The following TRAPPC6B variants were observed in gnomAD, a reference collection of about 807,000 sequenced individuals.
TRAPPC6B encodes trafficking protein particle complex subunit 6B.
Under a neutral mutation model 24.7 loss-of-function variants are expected in TRAPPC6B, and 27 were observed. The ratio of observed to expected loss-of-function variants is 1.09; its 90% confidence interval spans 0.81 to 1.51. TRAPPC6B has a LOEUF of 1.51. TRAPPC6B is among the 40% of genes most tolerant of loss of function. The pLI is 0.00. For synonymous variants in TRAPPC6B, 80 were observed against 66.6 expected (o/e 1.20, Z -0.98); for missense variants, 212 against 190.8 (o/e 1.11, Z -0.66).
chr14:39,155,828 C>T (rs532259096), intron 3 of TRAPPC6B, among the ~76,000 whole-genome samples: 6 of 152,238 alleles, frequency 3.9e-5, no homozygotes, highest in African/African-American at 4.8e-5. Flanking sequence ...TGAGCCACCG[C>T]GCCCAGCTTT....
chr14:39,161,053 A>T (rs1198460117), intron 1 of TRAPPC6B, among the ~76,000 whole-genome samples: 1 of 152,238 alleles, frequency 6.6e-6, no homozygotes, highest in East Asian at 1.9e-4. Context: ...AATGTAAAAG[A>T]ATTAATTTTT....
intron 1 of TRAPPC6B, among the ~76,000 whole-genome samples, chr14:39,162,374 C>T (rs1450606103): frequency 2.0e-5 from 3 of 151,470 alleles, no homozygotes; most frequent in Admixed American, 2.0e-4. Flanking sequence ...CCAGGCTGGT[C>T]TCAAAGTCCT....
chr14:39,163,584 T>G (rs1375534766), intron 1 of TRAPPC6B, among the ~76,000 whole-genome samples: 2 of 150,844 alleles, frequency 1.3e-5, no homozygotes, highest in Admixed American at 6.6e-5. Flanking sequence ...TAATATACCA[T>G]ACATTTTACT....
Position 39,150,317 on chromosome 14 carries a change from T to G in TRAPPC6B, c.*33A>C, listed in dbSNP as rs372801793. The G allele has an allele frequency of 5.8e-6, 9 of 1,558,348 alleles. No individual in the cohort carries two copies. Among genetic ancestry groups the G allele is most frequent in the Non-Finnish European group, 6.1e-6 (7 of 1,152,270 alleles). On this transcript the variant is annotated 3_prime_UTR_variant, in exon 6 of 6. Coordinates refer to ENST00000330149, the MANE Select transcript of TRAPPC6B (RefSeq NM_001079537.2). The stretch of plus-strand genomic sequence containing the variant: ...ACTTTTACATGAATAATTTATCTCT[T>G]TACACTGTTGAAGCCTTGCATTTCA...
intron 1 of TRAPPC6B, among the ~76,000 whole-genome samples, chr14:39,166,058 T>C (rs1463144533): frequency 6.6e-6 from 1 of 151,938 alleles, no homozygotes; most frequent in Non-Finnish European, 1.5e-5. Flanking sequence ...TGCCTTGGCC[T>C]CCCAAAGTGC....
At chr14:39,164,341 C>T (rs909076828) in intron 1 of TRAPPC6B, among the ~76,000 whole-genome samples, 7 of 152,090 alleles carry the variant, frequency 4.6e-5, no homozygotes, top group Non-Finnish European at 8.8e-5. Flanking sequence ...AAACATAAAA[C>T]ATTAGCTGGG....
At position 39,151,735 on chromosome 14, in the gene TRAPPC6B, A is replaced by G. The variant is rs761271267; in HGVS notation, c.445+11T>C. ...ACTAAAACATTTGTAAGAAAGGCGA[A>G]TTCAACTTACAAGCAGGCATTGAAG... On this transcript the variant is annotated intron_variant, in intron 5 of 5. Coordinates refer to ENST00000330149, the MANE Select transcript of TRAPPC6B (RefSeq NM_001079537.2). The G allele has an allele frequency of 6.4e-7, 1 of 1,561,532 alleles. No homozygotes were observed. Among genetic ancestry groups the G allele is most frequent in the Non-Finnish European group, 8.6e-7 (1 of 1,158,170 alleles).
intron 1 of TRAPPC6B, among the ~76,000 whole-genome samples, chr14:39,165,048 T>C (rs1392711008): frequency 9.4e-6 from 1 of 106,346 alleles, no homozygotes; most frequent in Non-Finnish European, 1.9e-5. Flanking sequence ...CTTCACATTC[T>C]TTTTTTTTTT....
intron 1 of TRAPPC6B, among the ~76,000 whole-genome samples, chr14:39,169,132 A>G (rs2139392719): frequency 6.6e-6 from 1 of 152,324 alleles, no homozygotes; most frequent in South Asian, 2.1e-4. Context: ...AATAGCATTA[A>G]AGAAAGGGCT....
At chr14:39,156,342 G>A (rs972770966) in intron 3 of TRAPPC6B, among the ~76,000 whole-genome samples, 2 of 151,992 alleles carry the variant, frequency 1.3e-5, no homozygotes, top group African/African-American at 2.4e-5. Flanking sequence ...ATAAATAAAT[G>A]AATTATCCTA....
At chr14:39,167,805 C>A (rs112772518) in intron 1 of TRAPPC6B, among the ~76,000 whole-genome samples, 1 of 151,648 alleles carries the variant, frequency 6.6e-6, no homozygotes, top group East Asian at 1.9e-4. Flanking sequence ...TATGTTAGTC[C>A]ATCTCTTAAA....
At chr14:39,156,325 A>AAAAT (rs1204848127) in intron 3 of TRAPPC6B, among the ~76,000 whole-genome samples, 1 of 152,168 alleles carries the variant, frequency 6.6e-6, no homozygotes, top group Non-Finnish European at 1.5e-5. Flanking sequence ...TCTCTAATTA[A>AAAAT]AAATAAATAA....
intron 1 of TRAPPC6B, among the ~76,000 whole-genome samples, chr14:39,169,194 G>A (rs1370151611): frequency 6.6e-6 from 1 of 152,152 alleles, no homozygotes; most frequent in African/African-American, 2.4e-5. Context: ...ACAACTCCAT[G>A]ATTCTACCAG....
chr14:39,155,981 T>C (rs2052973402), intron 3 of TRAPPC6B, among the ~76,000 whole-genome samples: 2 of 151,778 alleles, frequency 1.3e-5, no homozygotes, highest in Non-Finnish European at 2.9e-5. Flanking sequence ...TTTGTAGAAA[T>C]AGGTTCTAAG....
chr14:39,150,453 T>C, intron 5 of TRAPPC6B, 72 bp from the exon 6 acceptor site: 1 of 1,139,800 alleles, frequency 8.8e-7, no homozygotes, highest in Non-Finnish European at 1.3e-6. Context: ...CAATTTTCTG[T>C]TCCATATAGG....
intron 1 of TRAPPC6B, among the ~76,000 whole-genome samples, chr14:39,164,288 C>A (rs891342979): frequency 6.6e-6 from 1 of 152,066 alleles, no homozygotes; most frequent in Non-Finnish European, 1.5e-5. Flanking sequence ...GTCAGGAGTT[C>A]GAGACCAGCT....
intron 5 of TRAPPC6B, 62 bp downstream of exon 5, chr14:39,151,684 A>T (rs901523849): frequency 7.8e-7 from 1 of 1,288,762 alleles, no homozygotes; most frequent in Admixed American, 2.4e-5. Context: ...TTAAATTAAA[A>T]AAAAAAACAG....
At chr14:39,165,887 T>TC (rs1442943456) in intron 1 of TRAPPC6B, among the ~76,000 whole-genome samples, 1 of 152,050 alleles carries the variant, frequency 6.6e-6, no homozygotes. Flanking sequence ...CAATGCAACC[T>TC]CCGCCTCCTG....
At chr14:39,158,695 T>C (rs1417395263) in intron 2 of TRAPPC6B, 1 of 248,056 alleles carries the variant, frequency 4.0e-6, no homozygotes, top group African/African-American at 2.3e-5. Context: ...CTAATCTGTA[T>C]ATCTTTGTAG....
Sources: gnomAD v4.1 joint callset for allele counts (sites outside exome capture counted in the v4.1 genomes callset) on GRCh38, gnomAD v4.1.1 for gene constraint, MANE v1.5 for transcripts, NCBI Gene and HGNC (gene_info 2026-07-23, HGNC 2026-07-21) for gene names.